Variants in PCNX2 observed in about 807,000 individuals in gnomAD.
PCNX2 encodes the protein pecanex-like protein 2.
In PCNX2, 168 loss-of-function variants were observed where a neutral mutation model predicts 223.8. That is an observed-to-expected ratio of 0.75 (90% CI 0.66 to 0.85). The LOEUF is 0.85. Among genes scored for constraint, PCNX2 ranks in the 40% least tolerant of loss-of-function variants. The pLI is 0.00. For missense variants in PCNX2, 2,507 were observed against 2,675.5 expected (o/e 0.94, Z 1.39); for synonymous variants, 1,006 against 1,052.6 (o/e 0.96, Z 0.86).
chr1:233,318,453 C>T, the PCNX2 span, among the ~76,000 whole-genome samples: 1 of 151,788 alleles, frequency 6.6e-6, no homozygotes, highest in Admixed American at 6.6e-5. Context: ...GTTGAGTGAC[C>T]TCAATGGCTG....
Position 233,014,771 on chromosome 1 carries a change from T to C in PCNX2, c.4846A>G (p.Thr1616Ala). 1 of 1,613,610 alleles carries C rather than the reference T, an allele frequency of 6.2e-7. No homozygotes were observed. Among genetic ancestry groups the C allele is most frequent in the South Asian group, 1.1e-5 (1 of 91,064 alleles). The change falls in exon 28 of 34, where the codon ACG (threonine) becomes GCG (alanine). Residue 1616 changes from threonine (T) to alanine (A), a missense_variant. Around this residue, in one of 3 missense-constraint regions of PCNX2, gnomAD observed 1,372 missense variants for 1,509.4 expected, o/e 0.91. Coordinates refer to ENST00000258229, the MANE Select transcript of PCNX2 (RefSeq NM_014801.4). ...GAGTCCTCGTCACTGTCCAGGGTCG[T>C]TGAAGGCTGAAAGAGCAAGAAGTTA... is the stretch of plus-strand genomic sequence containing the variant. ...HCARKRQEPS[T>A]TLDSDEDSPL...
the PCNX2 span, among the ~76,000 whole-genome samples, chr1:233,309,875 C>T: frequency 6.6e-6 from 1 of 151,850 alleles, no homozygotes; most frequent in South Asian, 2.1e-4. Context: ...GAGACTCCAT[C>T]TCAAAATTAA....
chr1:233,025,519 A>C (rs1397970739), intron 25 of PCNX2, 120 bp from the exon 26 acceptor site: 34 of 1,324,588 alleles, frequency 2.6e-5, no homozygotes, highest in Admixed American at 7.8e-5. Context: ...AGGAATCAGG[A>C]AATTTGTTTG....
intron 19 of PCNX2, among the ~76,000 whole-genome samples, chr1:233,156,523 C>T (rs994211399): frequency 7.2e-5 from 11 of 152,172 alleles, no homozygotes; most frequent in Admixed American, 2.0e-4. Context: ...ACCTTAGGCA[C>T]CAGTGGTTTC....
chr1:233,149,562 C>T (rs1477059837), intron 19 of PCNX2, among the ~76,000 whole-genome samples: 5 of 152,124 alleles, frequency 3.3e-5, no homozygotes, highest in Admixed American at 6.5e-5. Flanking sequence ...GTTACCATCC[C>T]CTTATTATAG....
At chr1:233,248,798 A>G (rs536507153) in intron 8 of PCNX2, among the ~76,000 whole-genome samples, 5 of 152,140 alleles carry the variant, frequency 3.3e-5, no homozygotes, top group African/African-American at 4.8e-5. Flanking sequence ...GCCTCACAAG[A>G]AAGTTCAGCA....
Position 233,204,531 on chromosome 1 carries a change from C to G in PCNX2, c.2863+3987G>C, listed in dbSNP as rs1000075465. Among the ~76,000 whole-genome samples the G allele has an allele frequency of 1.1e-4, 16 of 152,340 alleles. No individual in the cohort carries two copies. In the East Asian group the frequency reaches 3.1e-3, roughly 29 times the overall value. On this transcript the variant is annotated intron_variant, in intron 13 of 33. Coordinates refer to ENST00000258229, the MANE Select transcript of PCNX2 (RefSeq NM_014801.4). ...ATATAGCAATGGCAGCAGCTTTAGA[C>G]TACTTACATCCCTTGCTAGTTGAGG...
chr1:233,129,929 C>G (rs1439780674), intron 21 of PCNX2, among the ~76,000 whole-genome samples: 1 of 152,212 alleles, frequency 6.6e-6, no homozygotes, highest in African/African-American at 2.4e-5. Context: ...TGTTCTTTCA[C>G]TCTTTGCAAT....
chr1:233,223,252 A>G (rs536842803), intron 10 of PCNX2, among the ~76,000 whole-genome samples: 3 of 152,318 alleles, frequency 2.0e-5, no homozygotes, highest in African/African-American at 2.4e-5. Flanking sequence ...GTGAGAAGAA[A>G]AAGATGGAAT....
chr1:233,071,397 G>A (rs748261318), intron 23 of PCNX2, among the ~76,000 whole-genome samples: 2 of 152,186 alleles, frequency 1.3e-5, no homozygotes, highest in Admixed American at 6.5e-5. Context: ...ACTTATAAGT[G>A]AGAATATGAG....
Position 233,014,746 on chromosome 1 carries a change from G to A in PCNX2, c.4871C>T (p.Ser1624Phe), listed in dbSNP as rs1426832583. The A allele has an allele frequency of 1.2e-6, 2 of 1,613,978 alleles. No homozygotes were observed. The highest frequency in any genetic ancestry group is 2.2e-5 in the East Asian group (1 of 44,868). Residue 1624 changes from serine (S) to phenylalanine (F), a missense_variant, in exon 28 of 34, where the codon TCT becomes TTT. By Grantham distance (155) the Ser-to-Phe change is radical (BLOSUM62 -2). Transcript: ENST00000258229. Reference sequence around the variant, plus strand: ...GGCGAAGGACAGAGTCACCAAGGGAGAGTCCTCGTCACTGTCCAGGGTCGT... The same window carrying A: ...GGCGAAGGACAGAGTCACCAAGGGAAAGTCCTCGTCACTGTCCAGGGTCGT... ...PSTTLDSDED[S>F]PLVTLSFALC...
intron 23 of PCNX2, among the ~76,000 whole-genome samples, chr1:233,086,672 AAATAAT>A (rs912397863): frequency 6.6e-6 from 1 of 151,690 alleles, no homozygotes; most frequent in Admixed American, 6.6e-5. Context: ...CTCCATCTCA[AAATAAT>A]AATAATAATA....
chr1:233,244,736 A>C (rs978692899), intron 8 of PCNX2, among the ~76,000 whole-genome samples: 1 of 152,106 alleles, frequency 6.6e-6, no homozygotes, highest in African/African-American at 2.4e-5. Flanking sequence ...AAAAATAATA[A>C]AAACTCAGGA....
intron 22 of PCNX2, among the ~76,000 whole-genome samples, chr1:233,092,622 T>C (rs1352646654): frequency 1.3e-5 from 2 of 152,068 alleles, no homozygotes; most frequent in East Asian, 3.9e-4. Context: ...TGAAAGTCTG[T>C]CACTACTACT....
At chr1:233,171,389 G>A (rs1386645369) in intron 17 of PCNX2, among the ~76,000 whole-genome samples, 2 of 151,736 alleles carry the variant, frequency 1.3e-5, no homozygotes, top group Non-Finnish European at 2.9e-5. Context: ...TGTAATGAGG[G>A]TCTCTGAGCT....
At chr1:233,137,147 T>C (rs994065691) in intron 20 of PCNX2, among the ~76,000 whole-genome samples, 5 of 152,368 alleles carry the variant, frequency 3.3e-5, no homozygotes, top group Non-Finnish European at 4.4e-5. Context: ...CAAAATGGAT[T>C]CCTGGCCAGG....
At chr1:233,075,126 T>C (rs914491334) in intron 23 of PCNX2, among the ~76,000 whole-genome samples, 1 of 152,158 alleles carries the variant, frequency 6.6e-6, no homozygotes, top group African/African-American at 2.4e-5. Context: ...TAAAAACCTA[T>C]AAACAAGTGT....
chr1:233,151,919 C>T (rs1677835658), intron 19 of PCNX2, among the ~76,000 whole-genome samples: 1 of 152,232 alleles, frequency 6.6e-6, no homozygotes, highest in African/African-American at 2.4e-5. Flanking sequence ...CCAGTTTTGC[C>T]TGAGCTTCTC....
chr1:233,250,572 T>A, intron 8 of PCNX2, 167 bp downstream of exon 8: 2 of 985,416 alleles, frequency 2.0e-6, no homozygotes, highest in Non-Finnish European at 2.4e-6. Flanking sequence ...TATTTTTCAT[T>A]ATTTCACAAT....
Sources: gnomAD v4.1 joint callset for allele counts (sites outside exome capture counted in the v4.1 genomes callset) on GRCh38, gnomAD v4.1.1 for gene constraint, gnomAD v4.1.1 regional missense constraint, MANE v1.5 for transcripts, NCBI Gene and HGNC (gene_info 2026-07-23, HGNC 2026-07-21) for gene names.